ANKRD55: variants seen among roughly 807,000 people sequenced by gnomAD.
The protein encoded by ANKRD55 is ankyrin repeat domain 55.
In ANKRD55, 41 loss-of-function variants were observed where a neutral mutation model predicts 60.6. The observed-to-expected ratio is 0.68, with a 90% CI of 0.53 to 0.88. The LOEUF (loss-of-function observed/expected upper bound fraction) is 0.88. Ranked by LOEUF, ANKRD55 falls within the 40% of genes least tolerant of loss-of-function variation. The pLI is 0.00. For missense variants in ANKRD55, 732 were observed against 767.6 expected, an observed-to-expected ratio of 0.95 and a Z score of 0.55; for synonymous variants, 264 against 290.3, an observed-to-expected ratio of 0.91 and a Z score of 0.92.
At chr5:56,105,999 T>A (rs79418468) in intron 10 of ANKRD55, among the ~76,000 whole-genome samples, 3,648 of 152,316 alleles carry the variant, frequency 0.024, 135 homozygotes, top group African/African-American at 0.083. Flanking sequence ...GTGCTCCAAA[T>A]TCCAAGTCTC....
intron 10 of ANKRD55, among the ~76,000 whole-genome samples, chr5:56,103,946 G>C (rs1376705009): frequency 6.6e-6 from 1 of 152,188 alleles, no homozygotes; most frequent in Non-Finnish European, 1.5e-5. Context: ...TTAGTTGATG[G>C]AGATTAAATC....
At chr5:56,120,143 TCTC>T (rs1756996686) in intron 8 of ANKRD55, among the ~76,000 whole-genome samples, 1 of 152,000 alleles carries the variant, frequency 6.6e-6, no homozygotes, top group Admixed American at 6.6e-5. Context: ...TTCAAGCTAT[TCTC>T]CTGCCTCAGC....
At position 56,188,022 on chromosome 5, in the gene ANKRD55, C is replaced by T. The variant is rs575615301; in HGVS notation, c.59-4388G>A. Among the ~76,000 whole-genome samples the T allele has an allele frequency of 1.3e-5, 2 of 152,152 alleles. 1 individual carries two copies. The highest frequency in any genetic ancestry group is 4.1e-4 in the South Asian group (2 of 4,826). On this transcript the variant is annotated intron_variant, in intron 2 of 11. Transcript: ENST00000341048. ...CCCCTCTCCCTGTTGATAAGGTAAA[C>T]CTGATTATTCTCTAGGGACTACTTC...
Position 56,173,477 on chromosome 5 carries a change from C to T in ANKRD55, c.313-2674G>A, listed in dbSNP as rs1266944440. Among the ~76,000 whole-genome samples the T allele has an allele frequency of 8.0e-4, 121 of 150,770 alleles. 1 individual carries two copies. The highest frequency in any genetic ancestry group is 1.6e-4 in the Non-Finnish European group (11 of 67,786). ...CCTCCCAAAGTGCTGGGATTACAGG[C>T]GTGAGCCACCATGCCCGGCTCCAAT... On this transcript the variant is annotated intron_variant, in intron 4 of 11. Transcript: ENST00000341048.
At chr5:56,184,677 G>A (rs1758928483) in intron 2 of ANKRD55, among the ~76,000 whole-genome samples, 1 of 151,658 alleles carries the variant, frequency 6.6e-6, no homozygotes, top group Non-Finnish European at 1.5e-5. Context: ...GTGGGAGGAT[G>A]GCTTGAGCCC....
chr5:56,109,070 CACACACACA>C (rs1756587959), intron 10 of ANKRD55, among the ~76,000 whole-genome samples: 1 of 151,948 alleles, frequency 6.6e-6, no homozygotes, highest in Non-Finnish European at 1.5e-5. Context: ...CACACACACA[CACACACACA>C]CCCCACCGCC....
intron 2 of ANKRD55, among the ~76,000 whole-genome samples, chr5:56,229,437 C>T (rs1340386168): frequency 6.6e-6 from 1 of 152,132 alleles, no homozygotes; most frequent in Non-Finnish European, 1.5e-5. Flanking sequence ...AGACCATGCC[C>T]CTGGCCAGTC....
At chr5:56,185,341 G>A (rs775567811) in intron 2 of ANKRD55, among the ~76,000 whole-genome samples, 76 of 152,162 alleles carry the variant, frequency 5.0e-4, no homozygotes, top group African/African-American at 1.5e-3. Flanking sequence ...AACTCACACC[G>A]TTCCTCCCAT....
Position 56,143,822 on chromosome 5 carries a change from G to A in ANKRD55, c.591C>T (p.Thr197=), listed in dbSNP as rs368520889. 25 of 1,614,018 alleles carry A rather than the reference G, an allele frequency of 1.5e-5. No homozygotes were observed. The highest frequency in any genetic ancestry group is 5.0e-5 in the Admixed American group (3 of 59,998). Residue 197 remains threonine, a synonymous_variant, in exon 7 of 12, where the codon ACC becomes ACT. Coordinates refer to ENST00000341048, the MANE Select transcript of ANKRD55 (RefSeq NM_024669.3). The stretch of plus-strand genomic sequence containing the variant: ...TCACCTGGACTGCCCAGTGGAGAGC[G>A]GTTTTAAAGTCTTTATCCACAAGGG... ...DPTLVDKDFK[T]ALHWAVQSGN...
intron 7 of ANKRD55, among the ~76,000 whole-genome samples, chr5:56,132,424 C>CAAAAAAAAAAAAAAAAAAAAAA (rs34289990): frequency 7.5e-5 from 9 of 120,350 alleles, no homozygotes; most frequent in African/African-American, 3.3e-4. Flanking sequence ...ACTTAAAATA[C>CAAAAAAAAAAAAAAAAAAAAAA]AAAAAAAAAA....
At chr5:56,166,086 T>TTCTCTTTCTTTCTTTC (rs1554040773) in intron 5 of ANKRD55, among the ~76,000 whole-genome samples, 8 of 91,846 alleles carry the variant, frequency 8.7e-5, no homozygotes, top group East Asian at 3.4e-4. Flanking sequence ...TTTCTTTTCT[T>TTCTCTTTCTTTCTTTC]TTTCTTTCTT....
At chr5:56,130,535 A>G (rs1007414085) in intron 7 of ANKRD55, among the ~76,000 whole-genome samples, 1 of 152,202 alleles carries the variant, frequency 6.6e-6, no homozygotes, top group Non-Finnish European at 1.5e-5. Context: ...TTACATTACT[A>G]AAGCGCTATT....
At chr5:56,215,948 T>C (rs953157147) in intron 2 of ANKRD55, among the ~76,000 whole-genome samples, 2 of 151,932 alleles carry the variant, frequency 1.3e-5, no homozygotes, top group Non-Finnish European at 2.9e-5. Flanking sequence ...GGGTGAATTG[T>C]CATGAATACA....
chr5:56,161,852 G>T (rs1053201220), intron 5 of ANKRD55: 3 of 425,978 alleles, frequency 7.0e-6, no homozygotes, highest in Non-Finnish European at 9.4e-6. Context: ...CTGAATTCTA[G>T]ATGTAGCCTT....
rs1223273447 is a variant in ANKRD55 at position 56,111,173 on chromosome 5, A to T, written c.1575T>A (p.Gly525=). ...LLDRLLSVRP[G]HQEVSVPPHL... ...GTGGTGGCACGGAGACCTCTTGGTGACCAGGCCGGACACTGAGCAATCTGT... is the reference window on the plus strand; with the variant it reads ...GTGGTGGCACGGAGACCTCTTGGTGTCCAGGCCGGACACTGAGCAATCTGT... The change falls in exon 10 of 12, where the codon GGT becomes GGA. Residue 525 remains glycine (G), a synonymous_variant. Transcript: ENST00000341048. The T allele has an allele frequency of 3.1e-6, 5 of 1,614,230 alleles. No individual in the cohort carries two copies. The highest frequency in any genetic ancestry group is 4.2e-6 in the Non-Finnish European group (5 of 1,180,046).
At chr5:56,136,993 A>G in intron 7 of ANKRD55, 1 of 654,108 alleles carries the variant, frequency 1.5e-6, no homozygotes, top group Non-Finnish European at 2.9e-6. Context: ...TTCGCTCTTC[A>G]CTTGACCCAG....
chr5:56,183,193 A>G (rs913768730), intron 3 of ANKRD55, among the ~76,000 whole-genome samples: 1 of 152,246 alleles, frequency 6.6e-6, no homozygotes, highest in Non-Finnish European at 1.5e-5. Flanking sequence ...CATCTACTCC[A>G]TCTTCCCAGA....
chr5:56,138,130 T>TC (rs1043002222), intron 7 of ANKRD55, among the ~76,000 whole-genome samples: 23 of 148,278 alleles, frequency 1.6e-4, no homozygotes, highest in Middle Eastern at 6.9e-3. Context: ...TCTTTTTCTT[T>TC]TTTTTTTTTT....
At chr5:56,173,444 T>A (rs1334871763) in intron 4 of ANKRD55, among the ~76,000 whole-genome samples, 1 of 151,442 alleles carries the variant, frequency 6.6e-6, no homozygotes, top group Non-Finnish European at 1.5e-5. Flanking sequence ...GTGATCCACC[T>A]GCCTCGGCCT....
Sources: gnomAD v4.1 joint callset for allele counts (sites outside exome capture counted in the v4.1 genomes callset) on GRCh38, gnomAD v4.1.1 for gene constraint, MANE v1.5 for transcripts, NCBI Gene and HGNC (gene_info 2026-07-23, HGNC 2026-07-21) for gene names.